Variants in SYCP2L observed in about 807,000 individuals in gnomAD.
SYCP2L encodes synaptonemal complex protein 2-like.
Under a neutral mutation model 125.8 loss-of-function variants are expected in SYCP2L, and 98 were observed. That is an observed-to-expected ratio of 0.78 (90% confidence interval 0.66 to 0.92). The LOEUF is 0.92. SYCP2L is among the 40% of genes least tolerant of loss of function. The pLI, the probability that SYCP2L is intolerant of heterozygous loss-of-function variation, is 0.00. For synonymous variants in SYCP2L, 317 were observed against 325.4 expected (o/e 0.97, Z 0.28); for missense variants, 842 against 936.4 (o/e 0.90, Z 1.32).
At chr6:10,968,004 T>A (rs776333677) in intron 29 of SYCP2L, among the ~76,000 whole-genome samples, 1 of 151,944 alleles carries the variant, frequency 6.6e-6, no homozygotes, top group Non-Finnish European at 1.5e-5. Flanking sequence ...TGCTCAGGAG[T>A]TGTTAGAGTG....
intron 4 of SYCP2L, among the ~76,000 whole-genome samples, 170 bp from the exon 5 acceptor site, chr6:10,897,831 GTATGGCACCA>G (rs1333105952): frequency 6.6e-6 from 1 of 152,162 alleles, no homozygotes; most frequent in African/African-American, 2.4e-5. Context: ...CTCTGTAGTA[GTATGGCACCA>G]TCCTGAAGTG....
At position 10,931,497 on chromosome 6, in the gene SYCP2L, C is replaced by T. The variant is rs748624005; in HGVS notation, c.1683+8C>T. On this transcript the variant is annotated splice_region_variant and intron_variant, in intron 20 of 29. Transcript: ENST00000283141. ...GGCCATGAGAAAGACCAAGTAAGTA[C>T]ATTGTATCTGGGTTGCTGTGTGCCC... 1 of 1,613,820 alleles carries T rather than the reference C, an allele frequency of 6.2e-7. No individual in the cohort carries two copies. The highest frequency in any genetic ancestry group is 8.5e-7 in the Non-Finnish European group (1 of 1,179,720).
rs70991066 is a variant in SYCP2L, at chr6:10,888,066, CTTTTTTTTTTTTTTTTTTTTTTTTTT to C, written c.9+954_9+979del. On this transcript the variant is annotated intron_variant, in intron 1 of 29. Coordinates refer to ENST00000283141, the MANE Select transcript of SYCP2L (RefSeq NM_001040274.3). ...AATCCTTCCATATAGGTGTTACCATCTTTTTTTTTTTTTTTTTTTTTTTTTTTTTTTTTTTTTTTTTTTTTTTTGAG... is the reference window on the plus strand; with the variant it reads ...AATCCTTCCATATAGGTGTTACCATCTTTTTTTTTTTTTTTTTTTTTTGAG... 5.8e-4 allele frequency among the ~76,000 whole-genome samples: 43 copies of C among 74,368 alleles called. No homozygotes were observed. The South Asian group carries it at 6.0e-3, about 10-fold the overall frequency. The allele number at this position is 74,368 out of a possible 152,430, so 48.8% of individuals were successfully genotyped here.
chr6:10,927,458 CA>C, intron 17 of SYCP2L, 91 bp downstream of exon 17: 3 of 1,052,150 alleles, frequency 2.9e-6, no homozygotes, highest in Non-Finnish European at 4.2e-6. Flanking sequence ...GTTGGGCATC[CA>C]GGGGAGACAT....
intron 2 of SYCP2L, among the ~76,000 whole-genome samples, chr6:10,892,899 G>A (rs1581813763): frequency 6.6e-6 from 1 of 151,796 alleles, no homozygotes; most frequent in African/African-American, 2.4e-5. Flanking sequence ...ATAGTAAATT[G>A]CTTCCTTATT....
chr6:10,920,845 A>T (rs1436684963), intron 14 of SYCP2L, among the ~76,000 whole-genome samples: 5 of 144,328 alleles, frequency 3.5e-5, no homozygotes, highest in African/African-American at 1.3e-4. Flanking sequence ...TTTTTCTTCA[A>T]CTTTTAAGTT....
At chr6:10,913,005 A>G in intron 14 of SYCP2L, 78 bp downstream of exon 14, 1 of 1,355,650 alleles carries the variant, frequency 7.4e-7, no homozygotes, top group Non-Finnish European at 1.0e-6. Context: ...TATTTATTTA[A>G]TTCTAGGGCA....
At chr6:10,895,607 CAAAAAGG>C (rs1343218189) in intron 4 of SYCP2L, among the ~76,000 whole-genome samples, 2 of 141,310 alleles carry the variant, frequency 1.4e-5, no homozygotes, top group African/African-American at 2.5e-5. Flanking sequence ...CTAACAAAGG[CAAAAAGG>C]AGAAAGGAGA....
intron 21 of SYCP2L, among the ~76,000 whole-genome samples, chr6:10,937,656 G>A (rs1251731021): frequency 2.0e-5 from 3 of 152,032 alleles, no homozygotes; most frequent in South Asian, 4.1e-4. Flanking sequence ...TGGAAAGAAT[G>A]AAATTGACAG....
At chr6:10,959,880 AAAAAG>A (rs1269980886) in intron 26 of SYCP2L, among the ~76,000 whole-genome samples, 2 of 151,586 alleles carry the variant, frequency 1.3e-5, no homozygotes, top group East Asian at 3.9e-4. Context: ...AAAAAAAAAA[AAAAAG>A]AAAGAAAGAA....
intron 29 of SYCP2L, among the ~76,000 whole-genome samples, chr6:10,969,839 T>G (rs1781742541): frequency 6.6e-6 from 1 of 152,124 alleles, no homozygotes; most frequent in Non-Finnish European, 1.5e-5. Flanking sequence ...TTAATTGACT[T>G]GAGAAGATGT....
chr6:10,950,999 A>G (rs1781400667), intron 23 of SYCP2L, among the ~76,000 whole-genome samples: 2 of 152,054 alleles, frequency 1.3e-5, no homozygotes, highest in South Asian at 4.1e-4. Flanking sequence ...TTTTGCCTTC[A>G]TCTACTTTCT....
intron 14 of SYCP2L, among the ~76,000 whole-genome samples, chr6:10,923,597 G>C (rs903332614): frequency 2.6e-5 from 4 of 151,540 alleles, no homozygotes; most frequent in Non-Finnish European, 5.9e-5. Flanking sequence ...TGTTGGTCAG[G>C]CTGGTTTCAA....
chr6:10,893,156 G>A (rs561843298), intron 2 of SYCP2L, among the ~76,000 whole-genome samples: 7 of 151,790 alleles, frequency 4.6e-5, no homozygotes, highest in Admixed American at 1.3e-4. Context: ...GCGCCACCAC[G>A]TCTGGCTAAT....
At chr6:10,970,905 G>A (rs1781758518) in intron 29 of SYCP2L, among the ~76,000 whole-genome samples, 1 of 152,100 alleles carries the variant, frequency 6.6e-6, no homozygotes, top group Non-Finnish European at 1.5e-5. Flanking sequence ...GATGAAGCCA[G>A]CAAGAGGATG....
Position 10,898,833 on chromosome 6 carries a change from A to C in SYCP2L, c.451A>C (p.Arg151=). The change falls in exon 6 of 30, where the codon AGG becomes CGG. Residue 151 remains arginine, a synonymous_variant. Transcript: ENST00000283141. The stretch of plus-strand genomic sequence containing the variant: ...TCTTTCTTTTTGTTAGATTATTTCC[A>C]GGAGTAGTAGTGAAGGTAAGTATAT... The part of the protein sequence containing the change: ...DFFDTALIIS[R]SSSEGKIQML... 4.3e-6 allele frequency: 6 copies of C among 1,394,500 alleles called. No homozygotes were observed. The highest frequency in any genetic ancestry group is 5.1e-6 in the Non-Finnish European group (5 of 986,542). The allele number at this position is 1,394,500 out of a possible 1,614,324, so 86.4% of individuals were successfully genotyped here.
At chr6:10,945,101 G>T (rs1237944) in intron 23 of SYCP2L, among the ~76,000 whole-genome samples, 4 of 151,968 alleles carry the variant, frequency 2.6e-5, no homozygotes, top group African/African-American at 9.7e-5. Context: ...GGAGCTTTTA[G>T]CTATCTTTTT....
chr6:10,947,096 A>G (rs58848210), intron 23 of SYCP2L, among the ~76,000 whole-genome samples: 4,126 of 151,778 alleles, frequency 0.027, 153 homozygotes, highest in East Asian at 0.2. Context: ...TGGACCTATC[A>G]TTGAATGTTT....
intron 25 of SYCP2L, among the ~76,000 whole-genome samples, chr6:10,956,909 C>A (rs9379974): frequency 6.6e-6 from 1 of 152,106 alleles, no homozygotes; most frequent in African/African-American, 2.4e-5. Context: ...TCACTCTAAC[C>A]TTGAACTCTT....
Sources: gnomAD v4.1 joint callset for allele counts (sites outside exome capture counted in the v4.1 genomes callset) on GRCh38, gnomAD v4.1.1 for gene constraint, MANE v1.5 for transcripts, NCBI Gene and HGNC (gene_info 2026-07-23, HGNC 2026-07-21) for gene names.